The following CDH23 variants were observed in gnomAD, a reference collection of about 807,000 sequenced individuals.
CDH23 encodes the protein cadherin-23.
Under a neutral mutation model 317.1 loss-of-function variants are expected in CDH23, and 189 were observed. The observed-to-expected ratio is 0.60, with a 90% CI of 0.53 to 0.67. CDH23 has a LOEUF of 0.67. CDH23 is among the 30% of genes least tolerant of loss of function. The pLI is 0.00. For synonymous variants in CDH23, 1,839 were observed against 1,876.8 expected (o/e 0.98, Z 0.52); for missense variants, 4,401 against 4,592.4 (o/e 0.96, Z 1.20).
chr10:71,568,371 AG>A (rs1342537030), intron 7 of CDH23, among the ~76,000 whole-genome samples: 1 of 152,206 alleles, frequency 6.6e-6, no homozygotes, highest in Non-Finnish European at 1.5e-5. Context: ...ACCAGGGCCC[AG>A]AAACACGCAG....
intron 16 of CDH23, among the ~76,000 whole-genome samples, chr10:71,678,993 G>T (rs1312789796): frequency 6.6e-6 from 1 of 152,034 alleles, no homozygotes. Context: ...CAACCCTAGG[G>T]CCCTAACCGG....
chr10:71,498,045 T>C (rs1207271649), intron 3 of CDH23, among the ~76,000 whole-genome samples: 1 of 152,120 alleles, frequency 6.6e-6, no homozygotes, highest in African/African-American at 2.4e-5. Flanking sequence ...ACTTGACCCA[T>C]TTGCCAAGAT....
At chr10:71,744,673 G>A (rs942104018) in intron 38 of CDH23, among the ~76,000 whole-genome samples, 1 of 152,288 alleles carries the variant, frequency 6.6e-6, no homozygotes, top group Admixed American at 6.5e-5. Context: ...TCCCCGGTGA[G>A]AGCAGGAGAA....
intron 2 of CDH23, among the ~76,000 whole-genome samples, chr10:71,442,581 C>A (rs1849942546): frequency 6.7e-6 from 1 of 149,834 alleles, no homozygotes. Flanking sequence ...CTCTTTGAAG[C>A]CTCCTGCCCT....
chr10:71,541,383 G>A (rs1209203409), intron 6 of CDH23, among the ~76,000 whole-genome samples: 1 of 152,238 alleles, frequency 6.6e-6, no homozygotes. Context: ...GGGAACCTAT[G>A]GACCTGTGAG....
intron 1 of CDH23, among the ~76,000 whole-genome samples, chr10:71,407,416 T>C (rs1848143578): frequency 6.6e-6 from 1 of 152,206 alleles, no homozygotes; most frequent in Non-Finnish European, 1.5e-5. Context: ...AGAGTGAGGC[T>C]GGCTGGGATT....
chr10:71,802,307 G>T (rs1463136925), intron 53 of CDH23, among the ~76,000 whole-genome samples: 1 of 152,146 alleles, frequency 6.6e-6, no homozygotes, highest in Non-Finnish European at 1.5e-5. Context: ...AAACTCCATC[G>T]AAGAAAATAA....
At chr10:71,782,272 T>C (rs9416003) in intron 41 of CDH23, among the ~76,000 whole-genome samples, 78,519 of 152,076 alleles carry the variant, frequency 0.52, 20,695 homozygotes, top group Middle Eastern at 0.71. Context: ...ACCCCTTTCC[T>C]ACATCCTCAC....
At chr10:71,574,055 G>A (rs890523895) in intron 8 of CDH23, among the ~76,000 whole-genome samples, 3 of 152,022 alleles carry the variant, frequency 2.0e-5, no homozygotes, top group Non-Finnish European at 2.9e-5. Context: ...TTCCCAGGCC[G>A]GGCCCAGGCT....
intron 58 of CDH23, 36 bp downstream of exon 58, chr10:71,807,442 G>C (rs770035392): frequency 2.2e-5 from 36 of 1,613,074 alleles, no homozygotes; most frequent in Non-Finnish European, 3.0e-5. Flanking sequence ...TGATTACCCT[G>C]GGGCTAGAGA....
At chr10:71,673,806 G>A (rs373011694) in intron 14 of CDH23, among the ~76,000 whole-genome samples, 108 of 152,342 alleles carry the variant, frequency 7.1e-4, no homozygotes, top group African/African-American at 2.4e-3. Flanking sequence ...GGTAGAAGGC[G>A]TGCAGGAGCC....
At chr10:71,728,698 A>G (rs1866922532) in intron 30 of CDH23, among the ~76,000 whole-genome samples, 3 of 151,972 alleles carry the variant, frequency 2.0e-5, no homozygotes, top group Admixed American at 1.3e-4. Flanking sequence ...GCAAGTTCCT[A>G]CCGGCCCCAG....
rs1362524782 is a variant in CDH23, at chr10:71,640,531, T to C, written c.1135-3330T>C. On this transcript the variant is annotated intron_variant, in intron 11 of 69. Coordinates refer to ENST00000224721, the MANE Select transcript of CDH23 (RefSeq NM_022124.6). ...TTGGGAGGCCGAGGCAGGCGGATCA[T>C]GAGGTCAGGAAATCGAGACCAGCCT... 4.6e-5 allele frequency among the ~76,000 whole-genome samples: 7 copies of C among 152,104 alleles called. No homozygotes were observed. In the East Asian group the frequency reaches 1.4e-3, roughly 29 times the overall value.
chr10:71,701,706 A>C (rs561395413), intron 22 of CDH23, among the ~76,000 whole-genome samples: 1 of 152,208 alleles, frequency 6.6e-6, no homozygotes, highest in Non-Finnish European at 1.5e-5. Flanking sequence ...TCACAATCTA[A>C]TGCTTCAAAG....
intron 62 of CDH23, 99 bp from the exon 63 acceptor site, chr10:71,811,216 G>T: frequency 6.4e-7 from 1 of 1,573,142 alleles, no homozygotes; most frequent in Non-Finnish European, 8.7e-7. Flanking sequence ...CAAGGCTTGG[G>T]GTTGTTGAAC....
At chr10:71,525,052 C>T (rs1008929530) in intron 6 of CDH23, among the ~76,000 whole-genome samples, 1 of 152,144 alleles carries the variant, frequency 6.6e-6, no homozygotes, top group Non-Finnish European at 1.5e-5. Flanking sequence ...GGATTACAGG[C>T]GTGCACCACC....
At chr10:71,427,242 A>AAAGAAAGAAAGAAAGAAAGG (rs1849140039) in intron 1 of CDH23, among the ~76,000 whole-genome samples, 1 of 87,348 alleles carries the variant, frequency 1.1e-5, no homozygotes, top group African/African-American at 4.6e-5. Flanking sequence ...AGAAAGAAAG[A>AAAGAAAGAAAGAAAGAAAGG]AAGGGAAAGA....
chr10:71,797,751 C>T (rs997457496), intron 49 of CDH23, among the ~76,000 whole-genome samples: 11 of 152,066 alleles, frequency 7.2e-5, no homozygotes, highest in Admixed American at 5.9e-4. Context: ...CCCAGGCCAT[C>T]CTGCCTGCAG....
At chr10:71,773,348 C>G in intron 38 of CDH23, 1 of 1,603,338 alleles carries the variant, frequency 6.2e-7, no homozygotes, top group Non-Finnish European at 8.5e-7. Context: ...CCCGCCTCCC[C>G]CGACCTTACC....
Sources: allele counts gnomAD v4.1 joint callset (sites outside exome capture counted in the v4.1 genomes callset), GRCh38; gene constraint gnomAD v4.1.1; transcripts MANE v1.5; gene names NCBI Gene and HGNC (gene_info 2026-07-23, HGNC 2026-07-21).